ASZ1: variants seen among roughly 807,000 people sequenced by gnomAD.
ASZ1 encodes ankyrin repeat, SAM and basic leucine zipper domain containing 1.
ASZ1 carries 67 observed loss-of-function variants against 61.8 expected under a neutral mutation model. The ratio of observed to expected loss-of-function variants is 1.08; its 90% CI spans 0.89 to 1.33. ASZ1 has a LOEUF of 1.33. Among genes scored for constraint, ASZ1 ranks in the 40% most tolerant of loss-of-function variants. ASZ1 has a pLI of 0.00. For synonymous variants in ASZ1, 193 were observed against 192.7 expected (o/e 1.00, Z -0.01); for missense variants, 577 against 554.5 (o/e 1.04, Z -0.41).
chr7:117,366,052 T>A (rs1424633011), intron 12 of ASZ1, among the ~76,000 whole-genome samples: 2 of 152,212 alleles, frequency 1.3e-5, no homozygotes, highest in Non-Finnish European at 2.9e-5. Context: ...TCACTTGACA[T>A]CAGGAGTTTG....
At chr7:117,418,163 G>A (rs1347431380) in intron 4 of ASZ1, among the ~76,000 whole-genome samples, 1 of 151,940 alleles carries the variant, frequency 6.6e-6, no homozygotes, top group Non-Finnish European at 1.5e-5. Flanking sequence ...AGAGGCAGTC[G>A]GAAAAAAAGA....
intron 4 of ASZ1, among the ~76,000 whole-genome samples, chr7:117,415,088 C>CTAATT: frequency 1.3e-5 from 2 of 152,226 alleles, no homozygotes; most frequent in South Asian, 2.1e-4. Flanking sequence ...AATGATTGAA[C>CTAATT]TAATTTACAC....
Position 117,422,278 on chromosome 7 carries a change from C to T in ASZ1, c.287G>A (p.Arg96Gln), listed in dbSNP as rs140466585. 9.1e-4 allele frequency: 1,476 copies of T among 1,613,808 alleles called. 2 individuals carry two copies. Among genetic ancestry groups the T allele is most frequent in the Middle Eastern group, 3.1e-3 (19 of 6,062 alleles). Residue 96 changes from arginine to glutamine, a missense_variant, in exon 3 of 13, where the codon CGG becomes CAG. Physicochemically the swap from Arg to Gln is conservative, Grantham distance 43. Coordinates refer to ENST00000284629, the MANE Select transcript of ASZ1 (RefSeq NM_130768.3). ...AASVANAELV[R>Q]VLLDRGANAS... ...ATTAGCACCTCTGTCCAAAAGGACCCGAACCAGCTCTGCATTGGCAACACT... is the reference window on the plus strand; with the variant it reads ...ATTAGCACCTCTGTCCAAAAGGACCTGAACCAGCTCTGCATTGGCAACACT...
chr7:117,422,122 A>G, intron 3 of ASZ1, 115 bp downstream of exon 3: 1 of 1,138,470 alleles, frequency 8.8e-7, no homozygotes, highest in Non-Finnish European at 1.2e-6. Context: ...ACATAGTATA[A>G]TGAATAGAAA....
At chr7:117,392,440 A>AT (rs557560000) in intron 4 of ASZ1, among the ~76,000 whole-genome samples, 1 of 151,556 alleles carries the variant, frequency 6.6e-6, no homozygotes, top group Non-Finnish European at 1.5e-5. Flanking sequence ...TAATTATTTC[A>AT]TTTTTTGCAG....
intron 2 of ASZ1, among the ~76,000 whole-genome samples, chr7:117,425,150 A>T (rs1797172222): frequency 6.6e-6 from 1 of 152,194 alleles, no homozygotes; most frequent in African/African-American, 2.4e-5. Flanking sequence ...GCTATATATA[A>T]TCACATCTAA....
chr7:117,372,018 T>C (rs745957552), intron 10 of ASZ1, among the ~76,000 whole-genome samples: 27 of 152,288 alleles, frequency 1.8e-4, no homozygotes, highest in Non-Finnish European at 1.5e-4. Context: ...CCACTGAATA[T>C]GGATGGACAA....
At chr7:117,418,412 T>C (rs1562861034) in intron 4 of ASZ1, among the ~76,000 whole-genome samples, 1 of 152,142 alleles carries the variant, frequency 6.6e-6, no homozygotes, top group Non-Finnish European at 1.5e-5. Flanking sequence ...CCTAGCACTT[T>C]GGGAGGCCAA....
chr7:117,380,389 G>C (rs139750603), intron 9 of ASZ1, among the ~76,000 whole-genome samples: 1 of 151,618 alleles, frequency 6.6e-6, no homozygotes, highest in Non-Finnish European at 1.5e-5. Flanking sequence ...AATATTATCA[G>C]TGATAAATGA....
intron 4 of ASZ1, among the ~76,000 whole-genome samples, chr7:117,408,395 G>A (rs569046603): frequency 3.3e-5 from 5 of 152,228 alleles, no homozygotes; most frequent in African/African-American, 1.2e-4. Flanking sequence ...GCATGAAGGA[G>A]CTGTGCCAGG....
chr7:117,363,853 T>A lies in ASZ1; in HGVS notation c.1276-105A>T. 6.2e-6 allele frequency: 6 copies of A among 971,860 alleles called. No homozygotes were observed. The South Asian group carries it at 1.9e-4, about 31-fold the overall frequency. The allele number at this position is 971,860 out of a possible 1,614,324, so 60.2% of individuals were successfully genotyped here. A position where few individuals can be genotyped will look rare whatever the true frequency, so the allele number is the denominator to read the frequency against. ...TAATATCCATGTTAATTCATTTCACTTGATTTAGATGTAGGCAACTCAAGA... is the reference window on the plus strand; with the variant it reads ...TAATATCCATGTTAATTCATTTCACATGATTTAGATGTAGGCAACTCAAGA... On this transcript the variant is annotated intron_variant, in intron 12 of 12. Transcript: ENST00000284629.
At chr7:117,393,073 C>T (rs1796503845) in intron 4 of ASZ1, among the ~76,000 whole-genome samples, 1 of 151,996 alleles carries the variant, frequency 6.6e-6, no homozygotes, top group Non-Finnish European at 1.5e-5. Context: ...TCTCAAACTC[C>T]TGACCTCAGG....
intron 4 of ASZ1, among the ~76,000 whole-genome samples, chr7:117,394,932 G>T (rs1796550073): frequency 1.3e-5 from 2 of 151,958 alleles, no homozygotes; most frequent in Admixed American, 1.3e-4. Context: ...CTCTTTTATT[G>T]TTCAGGAATA....
At position 117,382,077 on chromosome 7, in the gene ASZ1, A is replaced by C. The variant is rs1275773826; in HGVS notation, c.880T>G (p.Leu294Val). Residue 294 changes from leucine to valine, a missense_variant, in exon 8 of 13, where the codon TTA becomes GTA. Physicochemically the swap from Leu to Val is conservative, Grantham distance 32. Coordinates refer to ENST00000284629, the MANE Select transcript of ASZ1 (RefSeq NM_130768.3). ...GTTATATAAGATCTTACCTTTAGTA[A>C]ATCTGTCATATGTTCAAGTCCAAGA... ...HGLGLEHMTDLLKERDITLRH... is the reference protein window; with the variant it reads ...HGLGLEHMTDVLKERDITLRH... The C allele has an allele frequency of 1.3e-6, 2 of 1,577,680 alleles. No individual in the cohort carries two copies. Among genetic ancestry groups the C allele is most frequent in the Non-Finnish European group, 1.7e-6 (2 of 1,147,722 alleles).
chr7:117,387,137 C>A (rs1216942229), intron 4 of ASZ1, among the ~76,000 whole-genome samples: 2 of 137,864 alleles, frequency 1.5e-5, no homozygotes. Context: ...CTGCCTCTAC[C>A]TCTACTTAAA....
chr7:117,379,884 A>G, intron 10 of ASZ1, 54 bp downstream of exon 10: 2 of 1,170,870 alleles, frequency 1.7e-6, no homozygotes, highest in Non-Finnish European at 2.4e-6. Context: ...TAAACTAAAA[A>G]GAACAATTGG....
chr7:117,399,525 T>C (rs1016114665), intron 4 of ASZ1, among the ~76,000 whole-genome samples: 3 of 152,234 alleles, frequency 2.0e-5, no homozygotes, highest in African/African-American at 4.8e-5. Flanking sequence ...CATGTATTAA[T>C]TGTGTAACAG....
intron 8 of ASZ1, 72 bp downstream of exon 8, chr7:117,381,997 A>T: frequency 1.0e-6 from 1 of 962,590 alleles, no homozygotes; most frequent in Non-Finnish European, 1.6e-6. Context: ...TTTATGAATT[A>T]ATATCTAACA....
At chr7:117,368,847 T>A (rs535158085) in intron 10 of ASZ1, 130 bp from the exon 11 acceptor site, 1 of 1,483,310 alleles carries the variant, frequency 6.7e-7, no homozygotes, top group South Asian at 1.3e-5. Flanking sequence ...GAATAGCTAA[T>A]ACAGATTAGG....
Sources: allele counts gnomAD v4.1 joint callset (sites outside exome capture counted in the v4.1 genomes callset), GRCh38; gene constraint gnomAD v4.1.1; transcripts MANE v1.5; gene names NCBI Gene and HGNC (gene_info 2026-07-23, HGNC 2026-07-21).